CNTRL: variants seen among roughly 807,000 people sequenced by gnomAD.
CNTRL encodes centriolin.
Under a neutral mutation model 303.7 loss-of-function variants are expected in CNTRL, and 233 were observed. The observed-to-expected ratio is 0.77, with a 90% CI of 0.69 to 0.86. CNTRL has a LOEUF of 0.86. CNTRL is among the 40% of genes least tolerant of loss of function. The pLI is 0.00. For missense variants in CNTRL, 2,524 were observed against 2,650.6 expected, an observed-to-expected ratio of 0.95 and a Z score of 1.05; for synonymous variants, 900 against 922.2, an observed-to-expected ratio of 0.98 and a Z score of 0.44.
chr9:121,133,057 C>T (rs569917605), intron 14 of CNTRL, among the ~76,000 whole-genome samples: 34 of 152,306 alleles, frequency 2.2e-4, no homozygotes, highest in Admixed American at 1.4e-3. Flanking sequence ...CAGTTGGCCC[C>T]TACTGGGAGG....
intron 1 of CNTRL, 52 bp downstream of exon 1, chr9:121,075,119 G>C (rs1588017417): frequency 2.8e-6 from 1 of 357,422 alleles, no homozygotes; most frequent in South Asian, 2.1e-5. Flanking sequence ...CCCGAGCAGT[G>C]GGGGCCGGCG....
chr9:121,092,478 A>ATATATATAATATATATC lies in CNTRL; in HGVS notation c.348+2082_348+2098dup, dbSNP rs1564194362. ...ATCTATATATATATAATATATATCT[A>ATATATATAATATATATC]TATATATAATATATATCTATATATA... On this transcript the variant is annotated intron_variant, in intron 4 of 43. Coordinates refer to ENST00000373855, the MANE Select transcript of CNTRL (RefSeq NM_007018.6). Among the ~76,000 whole-genome samples the ATATATATAATATATATC allele has an allele frequency of 1.5e-4, 15 of 100,252 alleles. 2 individuals carry two copies. Among genetic ancestry groups the ATATATATAATATATATC allele is most frequent in the African/African-American group, 6.1e-4 (14 of 23,076 alleles). The allele number at this position is 100,252 out of a possible 152,430, so 65.8% of individuals were successfully genotyped here.
intron 35 of CNTRL, 34 bp from the exon 36 acceptor site, chr9:121,166,073 T>C: frequency 6.7e-7 from 1 of 1,502,410 alleles, no homozygotes; most frequent in Non-Finnish European, 9.2e-7. Context: ...AATACGTATG[T>C]ATTTCTTATT....
chr9:121,081,873 C>T (rs930382570), intron 2 of CNTRL, among the ~76,000 whole-genome samples: 1 of 152,202 alleles, frequency 6.6e-6, no homozygotes, highest in Non-Finnish European at 1.5e-5. Flanking sequence ...CTGCTCTCCC[C>T]TCCTTAAAGG....
At chr9:121,106,664 G>T (rs1360305918) in intron 7 of CNTRL, among the ~76,000 whole-genome samples, 2 of 152,094 alleles carry the variant, frequency 1.3e-5, no homozygotes, top group Admixed American at 1.3e-4. Context: ...AATTTAGAGT[G>T]TTGGGAAATG....
chr9:121,102,941 A>T (rs1353620286), intron 7 of CNTRL, among the ~76,000 whole-genome samples: 5 of 152,220 alleles, frequency 3.3e-5, no homozygotes, highest in Non-Finnish European at 7.3e-5. Flanking sequence ...CGTGGATAGG[A>T]AGAATCAATA....
intron 37 of CNTRL, 106 bp from the exon 38 acceptor site, chr9:121,167,990 G>T: frequency 1.1e-6 from 1 of 944,354 alleles, no homozygotes; most frequent in Non-Finnish European, 1.6e-6. Flanking sequence ...TGTCCCTGTG[G>T]GCTGTCTTCT....
In CNTRL at chr9:121,135,829, C is replaced by G; in HGVS notation, c.2049C>G (p.Ala683=). The G allele has an allele frequency of 6.2e-7, 1 of 1,612,460 alleles. No homozygotes were observed. Among genetic ancestry groups the G allele is most frequent in the Non-Finnish European group, 8.5e-7 (1 of 1,179,280 alleles). The change falls in exon 15 of 44, where the codon GCC becomes GCG. Residue 683 remains alanine (A), a synonymous_variant. Coordinates refer to ENST00000373855, the MANE Select transcript of CNTRL (RefSeq NM_007018.6). ...AGGAGCTTGCAGAGCTAGAAAGTGC[C>G]CTCCAAGAGCAGCATGAGGTGAATG... is the stretch of plus-strand genomic sequence containing the variant. ...MRKELAELES[A]LQEQHEVNAS...
intron 9 of CNTRL, 38 bp downstream of exon 9, chr9:121,112,616 G>A (rs746575602): frequency 1.9e-6 from 3 of 1,602,684 alleles, no homozygotes; most frequent in Middle Eastern, 1.7e-4. Context: ...CAAAGTTAAA[G>A]CCCACATGGG....
intron 4 of CNTRL, among the ~76,000 whole-genome samples, chr9:121,092,366 G>A (rs1306303076): frequency 7.1e-6 from 1 of 140,918 alleles, no homozygotes; most frequent in African/African-American, 2.7e-5. Context: ...CGACTGAGGA[G>A]AGGGTGACTA....
intron 13 of CNTRL, among the ~76,000 whole-genome samples, chr9:121,124,883 T>C (rs1194972152): frequency 6.6e-6 from 1 of 150,452 alleles, no homozygotes; most frequent in Non-Finnish European, 1.5e-5. Context: ...AGGTTGAGGC[T>C]ACAGTGAACC....
intron 15 of CNTRL, 33 bp downstream of exon 15, chr9:121,136,015 AGGACCCTGT>A (rs749811835): frequency 9.1e-6 from 14 of 1,538,980 alleles, no homozygotes; most frequent in Non-Finnish European, 1.1e-5. Context: ...CTGCAAACTA[AGGACCCTGT>A]GCCTTAAGAT....
At chr9:121,161,736 G>C in intron 32 of CNTRL, 120 bp from the exon 33 acceptor site, 1 of 644,134 alleles carries the variant, frequency 1.6e-6, no homozygotes, top group East Asian at 2.8e-5. Context: ...CATTAATTCA[G>C]CTCAACAAAA....
chr9:121,111,718 AT>A (rs2049755340), intron 8 of CNTRL, among the ~76,000 whole-genome samples: 1 of 152,172 alleles, frequency 6.6e-6, no homozygotes, highest in Admixed American at 6.6e-5. Context: ...CACTGATCTA[AT>A]ATGTAACTTT....
intron 23 of CNTRL, 34 bp from the exon 24 acceptor site, chr9:121,148,638 A>C: frequency 6.4e-7 from 1 of 1,574,326 alleles, no homozygotes; most frequent in East Asian, 2.3e-5. Context: ...TTCCATTTAT[A>C]ATAGATAGTG....
intron 18 of CNTRL, 87 bp downstream of exon 18, chr9:121,141,675 T>G (rs2051523328): frequency 1.7e-6 from 2 of 1,192,142 alleles, no homozygotes; most frequent in Admixed American, 4.1e-5. Context: ...CTTTGTCATG[T>G]AAATACAACA....
At chr9:121,160,451 A>T (rs77070162) in intron 32 of CNTRL, 149 bp downstream of exon 32, 121 of 482,970 alleles carry the variant, frequency 2.5e-4, no homozygotes, top group Admixed American at 5.9e-4. Context: ...AAGGAATATG[A>T]TATTTTCTGC....
At chr9:121,123,791 A>T in intron 12 of CNTRL, 140 bp from the exon 13 acceptor site, 1 of 573,580 alleles carries the variant, frequency 1.7e-6, no homozygotes. Flanking sequence ...CCCATGTGAA[A>T]ACAATATAGG....
chr9:121,116,886 T>C (rs1441888166), intron 11 of CNTRL, among the ~76,000 whole-genome samples: 1 of 152,066 alleles, frequency 6.6e-6, no homozygotes, highest in East Asian at 1.9e-4. Flanking sequence ...TAATGATGGG[T>C]TGAAAGTAGG....
Sources: allele counts gnomAD v4.1 joint callset (sites outside exome capture counted in the v4.1 genomes callset), GRCh38; gene constraint gnomAD v4.1.1; transcripts MANE v1.5; gene names NCBI Gene and HGNC (gene_info 2026-07-23, HGNC 2026-07-21).